The following ITGA9 variants were observed in gnomAD, a reference collection of about 807,000 sequenced individuals.
ITGA9 encodes the protein integrin alpha-9.
A neutral mutation model predicts 127.8 loss-of-function variants in ITGA9; 56 were observed. The ratio of observed to expected loss-of-function variants is 0.44; its 90% CI spans 0.35 to 0.55. The LOEUF (loss-of-function observed/expected upper bound fraction) is 0.55. Among genes scored for constraint, ITGA9 ranks in the 20% least tolerant of loss-of-function variants. The probability of loss-of-function intolerance (pLI) is 0.00; values close to 1 mark genes in which losing one functional copy is unlikely to be tolerated. For synonymous variants in ITGA9, 508 were observed against 514.5 expected (o/e 0.99, Z 0.17); for missense variants, 1,196 against 1,347.1 (o/e 0.89, Z 1.76).
chr3:37,634,868 T>A lies in ITGA9; in HGVS notation c.1839+5532T>A, dbSNP rs931268525. Among the ~76,000 whole-genome samples the A allele has an allele frequency of 4.6e-5, 7 of 152,190 alleles. 1 individual carries two copies. The highest frequency in any genetic ancestry group is 1.7e-4 in the African/African-American group (7 of 41,454). On this transcript the variant is annotated intron_variant, in intron 16 of 27. Transcript: ENST00000264741. ...TAGTAGGCCACAAAATAAATCTTAA[T>A]AAATTTAGCCTTGAAATATCAAGTA... is the stretch of plus-strand genomic sequence containing the variant.
intron 17 of ITGA9, among the ~76,000 whole-genome samples, chr3:37,663,761 A>G (rs893019629): frequency 6.6e-6 from 1 of 152,216 alleles, no homozygotes; most frequent in Non-Finnish European, 1.5e-5. Context: ...TGAATACTCC[A>G]TATACATAAA....
chr3:37,640,875 A>C (rs1002620568), intron 16 of ITGA9, among the ~76,000 whole-genome samples: 1 of 152,064 alleles, frequency 6.6e-6, no homozygotes, highest in African/African-American at 2.4e-5. Flanking sequence ...GTGGGATTAC[A>C]TGAGGGAAAT....
chr3:37,472,215 G>A (rs1698438212), intron 2 of ITGA9, among the ~76,000 whole-genome samples: 1 of 152,168 alleles, frequency 6.6e-6, no homozygotes, highest in African/African-American at 2.4e-5. Flanking sequence ...TCAAGATCAA[G>A]ACTAATATAC....
chr3:37,468,706 C>T (rs1247099956), intron 1 of ITGA9, among the ~76,000 whole-genome samples: 1 of 152,162 alleles, frequency 6.6e-6, no homozygotes, highest in Non-Finnish European at 1.5e-5. Context: ...GGAAAGCTGT[C>T]CAGGGTCATC....
chr3:37,576,031 A>T (rs975696006), intron 15 of ITGA9, among the ~76,000 whole-genome samples: 5 of 152,230 alleles, frequency 3.3e-5, no homozygotes, highest in African/African-American at 1.2e-4. Context: ...GGGCTCGGCC[A>T]TAACCCCGGG....
rs965470535 is a variant in ITGA9 at position 37,821,119 on chromosome 3, G to C, written c.*2130G>C. On this transcript the variant is annotated 3_prime_UTR_variant, in exon 28 of 28. Transcript: ENST00000264741. ...TCTCTTCCTGGTGAACATGGGAATA[G>C]ACCAAAAAAATCAAGGGTCAATGGC... 1.3e-5 allele frequency: 2 copies of C among 152,068 alleles called. No homozygotes were observed. The highest frequency in any genetic ancestry group is 2.9e-5 in the Non-Finnish European group (2 of 68,014). The allele number at this position is 152,068 out of a possible 1,614,324, so 9.4% of individuals were successfully genotyped here. A position where few individuals can be genotyped will look rare whatever the true frequency, so the allele number is the denominator to read the frequency against.
intron 13 of ITGA9, among the ~76,000 whole-genome samples, chr3:37,526,653 C>G (rs1224015477): frequency 6.6e-6 from 1 of 152,194 alleles, no homozygotes; most frequent in Non-Finnish European, 1.5e-5. Flanking sequence ...GCCAGTGGGC[C>G]GCCGCCACCA....
rs73064747 is a variant in ITGA9 at position 37,558,716 on chromosome 3, A to G, written c.1689+16131A>G. Among the ~76,000 whole-genome samples the G allele has an allele frequency of 2.6e-3, 394 of 152,306 alleles. 3 individuals carry two copies. The highest frequency in any genetic ancestry group is 4.1e-3 in the Non-Finnish European group (278 of 68,020). On this transcript the variant is annotated intron_variant, in intron 15 of 27. Transcript: ENST00000264741. ...CCATAACCGCTGCCTCCCAGGAGCT[A>G]GTCTGCTGGGGCATCCGTTCTGAAT...
chr3:37,696,228 A>G (rs1700883439), intron 18 of ITGA9, among the ~76,000 whole-genome samples: 1 of 152,174 alleles, frequency 6.6e-6, no homozygotes, highest in South Asian at 2.1e-4. Flanking sequence ...AAGAGTGGCC[A>G]TTGGGAAGCA....
At chr3:37,617,215 C>G (rs1226916056) in intron 15 of ITGA9, among the ~76,000 whole-genome samples, 8 of 152,176 alleles carry the variant, frequency 5.3e-5, no homozygotes, top group African/African-American at 1.9e-4. Context: ...TTCTCCTTCA[C>G]TTATGAAGCT....
intron 4 of ITGA9, among the ~76,000 whole-genome samples, chr3:37,489,274 G>C (rs1040549647): frequency 3.9e-5 from 6 of 152,192 alleles, no homozygotes. Context: ...GTTTTCACTG[G>C]AAATGTGCTT....
At chr3:37,589,365 C>A (rs1392883618) in intron 15 of ITGA9, among the ~76,000 whole-genome samples, 6 of 152,112 alleles carry the variant, frequency 3.9e-5, no homozygotes, top group African/African-American at 1.2e-4. Context: ...ATGGGACTTA[C>A]CAGTGAACAA....
chr3:37,801,617 A>C (rs1363270724), intron 26 of ITGA9, among the ~76,000 whole-genome samples: 1 of 152,230 alleles, frequency 6.6e-6, no homozygotes, highest in Non-Finnish European at 1.5e-5. Flanking sequence ...CCTGGGTGAC[A>C]GAGAGAAACT....
At chr3:37,758,329 C>CAAAAAAAAAAAAAAAAAAAAAA (rs57505967) in intron 23 of ITGA9, among the ~76,000 whole-genome samples, 3 of 65,988 alleles carry the variant, frequency 4.5e-5, no homozygotes, top group African/African-American at 2.0e-4. Flanking sequence ...GACTCCGTCT[C>CAAAAAAAAAAAAAAAAAAAAAA]AAAAAAAAAA....
intron 15 of ITGA9, among the ~76,000 whole-genome samples, chr3:37,565,775 C>T (rs1267521977): frequency 5.9e-5 from 9 of 152,174 alleles, no homozygotes; most frequent in Non-Finnish European, 1.0e-4. Context: ...CTGAGGTGGA[C>T]CTTAAGAGTC....
chr3:37,792,397 G>A (rs1213550676), intron 26 of ITGA9, among the ~76,000 whole-genome samples: 2 of 152,188 alleles, frequency 1.3e-5, no homozygotes, highest in African/African-American at 4.8e-5. Context: ...TAGTCCCCAG[G>A]GAGTAGCCTG....
At chr3:37,655,266 C>T (rs1455858910) in intron 17 of ITGA9, among the ~76,000 whole-genome samples, 3 of 152,184 alleles carry the variant, frequency 2.0e-5, no homozygotes, top group Non-Finnish European at 4.4e-5. Context: ...TGAGGAATTG[C>T]CACACTGTTT....
intron 17 of ITGA9, among the ~76,000 whole-genome samples, chr3:37,655,507 T>C (rs1454993393): frequency 6.6e-6 from 1 of 152,244 alleles, no homozygotes; most frequent in African/African-American, 2.4e-5. Flanking sequence ...TTGAGAAGTG[T>C]CTGTTCATAT....
intron 16 of ITGA9, among the ~76,000 whole-genome samples, chr3:37,652,656 G>A (rs1326495475): frequency 2.0e-5 from 3 of 152,190 alleles, no homozygotes; most frequent in Non-Finnish European, 4.4e-5. Context: ...TCTCTGGGCA[G>A]GGAAGAAATA....
Sources: gnomAD v4.1 joint callset for allele counts (sites outside exome capture counted in the v4.1 genomes callset) on GRCh38, gnomAD v4.1.1 for gene constraint, MANE v1.5 for transcripts, NCBI Gene and HGNC (gene_info 2026-07-23, HGNC 2026-07-21) for gene names.